The following SGCZ variants were observed in gnomAD, a reference collection of about 807,000 sequenced individuals.
SGCZ encodes the protein sarcoglycan zeta.
Under a neutral mutation model 41.3 loss-of-function variants are expected in SGCZ, and 40 were observed. That is an observed-to-expected ratio of 0.97 (90% CI 0.75 to 1.26). SGCZ has a LOEUF of 1.26. Among genes scored for constraint, SGCZ ranks in the 50% most tolerant of loss-of-function variants. The probability of loss-of-function intolerance (pLI) is 0.00; values close to 1 mark genes in which losing one functional copy is unlikely to be tolerated. For missense variants in SGCZ, 552 were observed against 369.8 expected, an observed-to-expected ratio of 1.49 and a Z score of -4.04; for synonymous variants, 206 against 137.5, an observed-to-expected ratio of 1.50 and a Z score of -3.49.
At chr8:14,221,888 G>C (rs1370310065) in intron 4 of SGCZ, among the ~76,000 whole-genome samples, 1 of 151,820 alleles carries the variant, frequency 6.6e-6, no homozygotes, top group African/African-American at 2.4e-5. Flanking sequence ...TTGAACCCGG[G>C]AGGTGGAGGT....
At chr8:14,266,617 G>A (rs1387338284) in intron 3 of SGCZ, among the ~76,000 whole-genome samples, 2 of 152,062 alleles carry the variant, frequency 1.3e-5, no homozygotes, top group Non-Finnish European at 2.9e-5. Context: ...ATAAGATCAC[G>A]ATGTGAAAAT....
At chr8:14,998,495 G>A (rs1211617805) in intron 1 of SGCZ, among the ~76,000 whole-genome samples, 2 of 151,382 alleles carry the variant, frequency 1.3e-5, no homozygotes, top group African/African-American at 2.4e-5. Context: ...TATATGCAGT[G>A]CATTTCAATT....
intron 1 of SGCZ, among the ~76,000 whole-genome samples, chr8:14,828,934 G>C (rs758800705): frequency 6.6e-6 from 1 of 150,952 alleles, no homozygotes; most frequent in Non-Finnish European, 1.5e-5. Flanking sequence ...TAACAGTCCT[G>C]ATATGGCTCC....
chr8:14,552,241 T>C (rs1280691046), intron 2 of SGCZ, among the ~76,000 whole-genome samples: 3 of 152,074 alleles, frequency 2.0e-5, no homozygotes, highest in Non-Finnish European at 4.4e-5. Flanking sequence ...CCTTCAAGTA[T>C]ATACAACATA....
intron 1 of SGCZ, among the ~76,000 whole-genome samples, chr8:14,892,783 T>C (rs931019244): frequency 2.6e-5 from 4 of 152,200 alleles, no homozygotes; most frequent in Non-Finnish European, 5.9e-5. Flanking sequence ...TATCACTTGC[T>C]TTTGCTGGTG....
At chr8:14,160,141 T>C (rs1803996400) in intron 5 of SGCZ, among the ~76,000 whole-genome samples, 1 of 152,236 alleles carries the variant, frequency 6.6e-6, no homozygotes, top group Non-Finnish European at 1.5e-5. Context: ...TCTTTTGATA[T>C]ATTTAACTGC....
At chr8:14,429,491 G>A (rs548862574) in intron 2 of SGCZ, among the ~76,000 whole-genome samples, 1 of 152,266 alleles carries the variant, frequency 6.6e-6, no homozygotes, top group East Asian at 1.9e-4. Context: ...ATGAGGTTAA[G>A]AGTCAACCAG....
intron 1 of SGCZ, among the ~76,000 whole-genome samples, chr8:15,062,456 C>T (rs1804971102): frequency 6.6e-6 from 1 of 152,132 alleles, no homozygotes; most frequent in African/African-American, 2.4e-5. Context: ...TTCCATTTCA[C>T]CATTCCTATG....
At chr8:14,651,160 G>A (rs1210125382) in intron 1 of SGCZ, among the ~76,000 whole-genome samples, 1 of 151,866 alleles carries the variant, frequency 6.6e-6, no homozygotes, top group Non-Finnish European at 1.5e-5. Flanking sequence ...TCTTGCCAAT[G>A]TTTACATTTA....
At chr8:15,148,709 G>A (rs889356108) in intron 1 of SGCZ, among the ~76,000 whole-genome samples, 2 of 152,132 alleles carry the variant, frequency 1.3e-5, no homozygotes, top group South Asian at 2.1e-4. Context: ...ACACTGATAC[G>A]AGTTCTCCAA....
chr8:14,395,973 C>T (rs1467404023), intron 2 of SGCZ, among the ~76,000 whole-genome samples: 1 of 152,164 alleles, frequency 6.6e-6, no homozygotes, highest in African/African-American at 2.4e-5. Context: ...AAAGTGAAGT[C>T]ATCATTTACA....
chr8:14,715,878 A>G (rs1297904100), intron 1 of SGCZ, among the ~76,000 whole-genome samples: 1 of 152,198 alleles, frequency 6.6e-6, no homozygotes, highest in Non-Finnish European at 1.5e-5. Context: ...ACAAGTTATC[A>G]TCAGTAGGAG....
intron 3 of SGCZ, among the ~76,000 whole-genome samples, chr8:14,291,525 T>G (rs1046185373): frequency 5.9e-5 from 9 of 152,016 alleles, no homozygotes; most frequent in Non-Finnish European, 1.3e-4. Flanking sequence ...AGCTTTGAAG[T>G]AATCCCTAAA....
intron 1 of SGCZ, among the ~76,000 whole-genome samples, chr8:15,127,318 TTATAC>T (rs1227277804): frequency 3.3e-5 from 5 of 151,394 alleles, no homozygotes; most frequent in African/African-American, 1.2e-4. Context: ...AGGATAGGCG[TTATAC>T]TATAATTACA....
chr8:14,731,473 G>A (rs1331780320), intron 1 of SGCZ, among the ~76,000 whole-genome samples: 4 of 151,974 alleles, frequency 2.6e-5, no homozygotes, highest in Admixed American at 6.6e-5. Flanking sequence ...ACCATGGCAC[G>A]TGTATACCTA....
At chr8:14,771,158 GAACT>G (rs139932081) in intron 1 of SGCZ, among the ~76,000 whole-genome samples, 5,955 of 152,144 alleles carry the variant, frequency 0.039, 143 homozygotes, top group Middle Eastern at 0.061. Flanking sequence ...GATGGGGACA[GAACT>G]AACTACCCAA....
intron 1 of SGCZ, among the ~76,000 whole-genome samples, chr8:15,212,587 G>A (rs535679479): frequency 1.3e-5 from 2 of 152,056 alleles, no homozygotes; most frequent in South Asian, 2.1e-4. Context: ...GGCTACAGCT[G>A]GAATAATATG....
At chr8:15,094,908 A>C (rs1241596252) in intron 1 of SGCZ, among the ~76,000 whole-genome samples, 1 of 152,132 alleles carries the variant, frequency 6.6e-6, no homozygotes, top group Non-Finnish European at 1.5e-5. Context: ...CAGAACTGTG[A>C]ATCAATTTAA....
intron 2 of SGCZ, among the ~76,000 whole-genome samples, chr8:14,516,480 T>C (rs968270039): frequency 6.6e-6 from 1 of 152,124 alleles, no homozygotes; most frequent in Admixed American, 6.6e-5. Context: ...TTCCTCAAAC[T>C]GTAGGACAAA....
Sources: allele counts gnomAD v4.1 joint callset (sites outside exome capture counted in the v4.1 genomes callset), GRCh38; gene constraint gnomAD v4.1.1; transcripts MANE v1.5; gene names NCBI Gene and HGNC (gene_info 2026-07-23, HGNC 2026-07-21).